SMOC1: variants seen among roughly 807,000 people sequenced by gnomAD.
The protein encoded by SMOC1 is SPARC-related modular calcium-binding protein 1.
A neutral mutation model predicts 56.3 loss-of-function variants in SMOC1; 22 were observed. That is an observed-to-expected ratio of 0.39 (90% CI 0.28 to 0.56). The LOEUF is 0.56. Among genes scored for constraint, SMOC1 ranks in the 20% least tolerant of loss-of-function variants. SMOC1 has a pLI of 0.61. For synonymous variants in SMOC1, 193 were observed against 215.0 expected (o/e 0.90, Z 0.89); for missense variants, 509 against 565.4 (o/e 0.90, Z 1.01).
intron 7 of SMOC1, among the ~76,000 whole-genome samples, chr14:69,998,974 C>T (rs1884870835): frequency 6.6e-6 from 1 of 152,222 alleles, no homozygotes; most frequent in African/African-American, 2.4e-5. Flanking sequence ...CTTAGACCCA[C>T]AGCGCTCCCT....
intron 6 of SMOC1, 47 bp downstream of exon 6, chr14:69,992,520 A>C (rs1043186827): frequency 5.6e-6 from 8 of 1,438,956 alleles, no homozygotes; most frequent in African/African-American, 1.4e-5. Flanking sequence ...ACTCATTTTC[A>C]GGTTTGGGAA....
Position 69,952,221 on chromosome 14 carries a change from G to A in SMOC1, c.183G>A (p.Arg61=). 4 of 1,614,126 alleles carry A rather than the reference G, an allele frequency of 2.5e-6. No homozygotes were observed. Among genetic ancestry groups the A allele is most frequent in the Non-Finnish European group, 3.4e-6 (4 of 1,180,012 alleles). The stretch of plus-strand genomic sequence containing the variant: ...AACCCATCTGTGCCTCTGATGGCAG[G>A]TCCTACGAGTCCATGTGTGAGTACC... The part of the protein sequence containing the change: ...QPKPICASDG[R]SYESMCEYQR... The change falls in exon 2 of 12, where the codon AGG becomes AGA. Residue 61 remains arginine (R), a synonymous_variant. Coordinates refer to ENST00000361956, the MANE Select transcript of SMOC1 (RefSeq NM_001034852.3).
At chr14:69,986,455 G>A (rs1051870958) in intron 5 of SMOC1, among the ~76,000 whole-genome samples, 1 of 152,024 alleles carries the variant, frequency 6.6e-6, no homozygotes, top group Non-Finnish European at 1.5e-5. Flanking sequence ...TCAGTGTCCC[G>A]ATTTTGATTT....
chr14:69,936,779 GA>G (rs1410844197), intron 1 of SMOC1, among the ~76,000 whole-genome samples: 1 of 152,140 alleles, frequency 6.6e-6, no homozygotes, highest in Non-Finnish European at 1.5e-5. Flanking sequence ...AAAGTGCCAA[GA>G]AAAAAGCCAA....
chr14:70,001,405 G>C (rs915268037), intron 7 of SMOC1, among the ~76,000 whole-genome samples: 3 of 152,178 alleles, frequency 2.0e-5, no homozygotes, highest in African/African-American at 7.2e-5. Flanking sequence ...CCAAAGGGAT[G>C]GGGGGTGATG....
At chr14:69,976,050 T>C (rs1379624162) in intron 4 of SMOC1, among the ~76,000 whole-genome samples, 2 of 152,236 alleles carry the variant, frequency 1.3e-5, no homozygotes, top group Non-Finnish European at 2.9e-5. Context: ...GGTTCAATGC[T>C]CTCCTTCTAA....
intron 1 of SMOC1, among the ~76,000 whole-genome samples, chr14:69,893,706 A>C (rs1884022289): frequency 6.6e-6 from 1 of 152,216 alleles, no homozygotes; most frequent in South Asian, 2.1e-4. Context: ...AAGGAGATTC[A>C]TTGGCTCAAG....
intron 5 of SMOC1, among the ~76,000 whole-genome samples, chr14:69,991,358 G>A (rs1304281819): frequency 6.6e-6 from 1 of 152,050 alleles, no homozygotes; most frequent in Non-Finnish European, 1.5e-5. Flanking sequence ...TTTCTTAGGG[G>A]ATGAAAAACA....
At chr14:69,980,851 G>T (rs926908613) in intron 5 of SMOC1, among the ~76,000 whole-genome samples, 1 of 152,190 alleles carries the variant, frequency 6.6e-6, no homozygotes, top group African/African-American at 2.4e-5. Flanking sequence ...AGGTCTGGAG[G>T]TGTGAGTGGT....
intron 6 of SMOC1, among the ~76,000 whole-genome samples, chr14:69,993,190 T>C (rs1884625888): frequency 6.6e-6 from 1 of 151,936 alleles, no homozygotes; most frequent in Admixed American, 6.6e-5. Flanking sequence ...GTAGGGACGT[T>C]GAGAGTTGAG....
chr14:70,009,671 A>T (rs559259548), intron 7 of SMOC1, among the ~76,000 whole-genome samples: 26 of 152,332 alleles, frequency 1.7e-4, no homozygotes, highest in African/African-American at 6.3e-4. Flanking sequence ...GTAAATGAAA[A>T]ATAAAGTAAT....
chr14:69,882,457 A>G (rs1008879126), intron 1 of SMOC1, among the ~76,000 whole-genome samples: 2 of 152,054 alleles, frequency 1.3e-5, no homozygotes, highest in Non-Finnish European at 1.5e-5. Context: ...AATTCTTGAC[A>G]TTTGTTTGAC....
Position 69,952,021 on chromosome 14 carries a change from A to G in SMOC1, c.100-117A>G, listed in dbSNP as rs931504517. On this transcript the variant is annotated intron_variant, in intron 1 of 11. Transcript: ENST00000361956. ...CCGTTCCCTTCACCTTTAGGGTTTT[A>G]TTTGGGTTTATTAGGGACTTACTTT... The G allele has an allele frequency of 1.8e-5, 22 of 1,192,224 alleles. No homozygotes were observed. In the East Asian group the frequency reaches 2.6e-4, roughly 14 times the overall value. 73.9% of individuals were successfully genotyped at this position (1,192,224 alleles called of 1,614,324 possible).
rs761461671 is a variant in SMOC1, at chr14:69,975,824, G to A, written c.478+10G>A. The A allele has an allele frequency of 1.9e-6, 3 of 1,595,074 alleles. No homozygotes were observed. Among genetic ancestry groups the A allele is most frequent in the African/African-American group, 1.3e-5 (1 of 74,654 alleles). On this transcript the variant is annotated intron_variant, in intron 4 of 11. Coordinates refer to ENST00000361956, the MANE Select transcript of SMOC1 (RefSeq NM_001034852.3). ...ACTCCTGTATGTTCAGGTACCGTAG[G>A]GAGGGGCGGGAAGAATGAAAAGGGT...
intron 1 of SMOC1, among the ~76,000 whole-genome samples, chr14:69,889,509 G>A (rs1325672285): frequency 1.3e-5 from 2 of 152,170 alleles, no homozygotes; most frequent in East Asian, 3.8e-4. Context: ...CTCTGCTGTT[G>A]GGCACCCGGG....
At chr14:70,022,015 C>G (rs571664467) in intron 10 of SMOC1, among the ~76,000 whole-genome samples, 1 of 152,306 alleles carries the variant, frequency 6.6e-6, no homozygotes, top group East Asian at 1.9e-4. Flanking sequence ...TCCCAGCGCC[C>G]TGCACACTGA....
intron 1 of SMOC1, among the ~76,000 whole-genome samples, chr14:69,884,987 T>C (rs1419776987): frequency 6.6e-6 from 1 of 152,248 alleles, no homozygotes; most frequent in East Asian, 1.9e-4. Context: ...AGTATTTTTA[T>C]AGGGATTGCA....
intron 1 of SMOC1, among the ~76,000 whole-genome samples, chr14:69,919,207 A>G (rs1285680641): frequency 1.3e-5 from 2 of 152,212 alleles, no homozygotes; most frequent in African/African-American, 4.8e-5. Context: ...AGCCCATAAA[A>G]GAGCTACATC....
At chr14:69,937,441 G>A (rs1291920054) in intron 1 of SMOC1, among the ~76,000 whole-genome samples, 2 of 152,224 alleles carry the variant, frequency 1.3e-5, no homozygotes, top group African/African-American at 4.8e-5. Context: ...CCTCAGGAGT[G>A]GGTTTGCTTT....
Sources: allele counts gnomAD v4.1 joint callset (sites outside exome capture counted in the v4.1 genomes callset), GRCh38; gene constraint gnomAD v4.1.1; transcripts MANE v1.5; gene names NCBI Gene and HGNC (gene_info 2026-07-23, HGNC 2026-07-21).